EIF2AK2: variants seen among roughly 807,000 people sequenced by gnomAD.
The protein encoded by EIF2AK2 is interferon-induced, double-stranded RNA-activated protein kinase.
A neutral mutation model predicts 70.5 loss-of-function variants in EIF2AK2; 40 were observed. The observed-to-expected ratio is 0.57, with a 90% CI of 0.44 to 0.74. EIF2AK2 has a LOEUF of 0.74. EIF2AK2 is among the 30% of genes least tolerant of loss of function. EIF2AK2 has a pLI of 0.00. For missense variants in EIF2AK2, 555 were observed against 644.3 expected, an observed-to-expected ratio of 0.86 and a Z score of 1.50; for synonymous variants, 198 against 220.9, an observed-to-expected ratio of 0.90 and a Z score of 0.92.
intron 10 of EIF2AK2, among the ~76,000 whole-genome samples, chr2:37,129,397 C>A (rs1446189574): frequency 6.6e-6 from 1 of 152,060 alleles, no homozygotes. Context: ...CGATGGAATG[C>A]CCTCAACAGG....
At chr2:37,154,721 C>T (rs1329081352) in intron 1 of EIF2AK2, among the ~76,000 whole-genome samples, 9 of 152,088 alleles carry the variant, frequency 5.9e-5, no homozygotes, top group South Asian at 4.2e-4. Flanking sequence ...CCACCACGCC[C>T]GGCTAATTTT....
intron 12 of EIF2AK2, among the ~76,000 whole-genome samples, chr2:37,121,961 G>A (rs1296783415): frequency 1.3e-5 from 2 of 152,112 alleles, no homozygotes; most frequent in Non-Finnish European, 2.9e-5. Context: ...GTTTGGCAAT[G>A]GCTTAACTGA....
chr2:37,155,529 T>C lies in EIF2AK2; in HGVS notation c.-184+1379A>G, dbSNP rs563282402. ...TCTTTGATGCTGGAGGGTCAGCTAG[T>C]ATGGGCTTGCCACTCCACCTTGCCC... On this transcript the variant is annotated intron_variant, in intron 1 of 16. Coordinates refer to ENST00000233057, the MANE Select transcript of EIF2AK2 (RefSeq NM_001135651.3). 5.3e-5 allele frequency among the ~76,000 whole-genome samples: 8 copies of C among 152,300 alleles called. No individual in the cohort carries two copies. The South Asian group carries it at 1.5e-3, about 28-fold the overall frequency.
At chr2:37,150,184 T>C (rs1393929148) in intron 1 of EIF2AK2, among the ~76,000 whole-genome samples, 1 of 148,378 alleles carries the variant, frequency 6.7e-6, no homozygotes, top group African/African-American at 2.5e-5. Flanking sequence ...GAGCATTTAA[T>C]GTGAATACAG....
Position 37,103,105 on chromosome 2 carries a change from G to C in EIF2AK2, c.*4168C>G, listed in dbSNP as rs2148658630. ...AGAGGATACTTTTTACTTTAATTTT[G>C]AGGCCAAGAAAATATATACTCACAA... On this transcript the variant is annotated 3_prime_UTR_variant, in exon 17 of 17. Transcript: ENST00000233057. 6.6e-6 allele frequency: 1 copy of C among 151,796 alleles called. No homozygotes were observed. 9.4% of individuals were successfully genotyped at this position (151,796 alleles called of 1,614,324 possible).
intron 13 of EIF2AK2, 72 bp from the exon 14 acceptor site, chr2:37,114,931 A>G: frequency 9.5e-7 from 1 of 1,048,388 alleles, no homozygotes; most frequent in South Asian, 2.5e-5. Flanking sequence ...AATTATATAC[A>G]GAAAAGACTA....
In EIF2AK2 at chr2:37,107,350, G is replaced by A; in HGVS notation, c.1579C>T (p.Pro527Ser). Reference protein sequence around the residue: ...KLLSKKPEDRPNTSEILRTLT... With the variant: ...KLLSKKPEDRSNTSEILRTLT... Reference sequence around the variant, plus strand: ...GTCCTTAGTATTTCAGATGTGTTAGGTCGATCCTCAGGTTTCTTTGAGAGT... The same window carrying A: ...GTCCTTAGTATTTCAGATGTGTTAGATCGATCCTCAGGTTTCTTTGAGAGT... Residue 527 changes from proline to serine, a missense_variant, in exon 17 of 17, where the codon CCT becomes TCT. Transcript: ENST00000233057. The A allele has an allele frequency of 6.2e-7, 1 of 1,613,914 alleles. No individual in the cohort carries two copies. The highest frequency in any genetic ancestry group is 8.5e-7 in the Non-Finnish European group (1 of 1,179,970).
Position 37,103,053 on chromosome 2 carries a change from G to C in EIF2AK2, c.*4220C>G, listed in dbSNP as rs1316416952. 6.6e-6 allele frequency: 1 copy of C among 151,560 alleles called. No individual in the cohort carries two copies. The highest frequency in any genetic ancestry group is 1.5e-5 in the Non-Finnish European group (1 of 67,914). 9.4% of individuals were successfully genotyped at this position (151,560 alleles called of 1,614,324 possible). ...TTTTAATTAGCAAATAAGGTCCCAG[G>C]CTCTTGCCCCTGTCCTCCTCTGAGT... On this transcript the variant is annotated 3_prime_UTR_variant, in exon 17 of 17. Coordinates refer to ENST00000233057, the MANE Select transcript of EIF2AK2 (RefSeq NM_001135651.3).
chr2:37,155,950 A>AAAAAAT (rs10638880), intron 1 of EIF2AK2, among the ~76,000 whole-genome samples: 5 of 139,028 alleles, frequency 3.6e-5, no homozygotes, highest in African/African-American at 1.3e-4. Context: ...AAAAAAAAAA[A>AAAAAAT]AAAAGAAAAG....
At chr2:37,128,564 C>T (rs1486213700) in intron 10 of EIF2AK2, among the ~76,000 whole-genome samples, 1 of 152,190 alleles carries the variant, frequency 6.6e-6, no homozygotes, top group Non-Finnish European at 1.5e-5. Flanking sequence ...GTCAATTAAA[C>T]TGTTCGGGTG....
chr2:37,141,859 C>T (rs1034302853), intron 4 of EIF2AK2, among the ~76,000 whole-genome samples, 158 bp from the exon 5 acceptor site: 2 of 152,132 alleles, frequency 1.3e-5, no homozygotes, highest in Admixed American at 6.6e-5. Context: ...AGTGTGACTA[C>T]GTATCTCCCT....
chr2:37,099,508 G>A lies in EIF2AK2; in HGVS notation c.*7765C>T, dbSNP rs1426108299. ...AAGAACAATTAGGTACTAAACAATGGGAGTACTAGGGAGAAGATTCATTTT... is the reference window on the plus strand; with the variant it reads ...AAGAACAATTAGGTACTAAACAATGAGAGTACTAGGGAGAAGATTCATTTT... On this transcript the variant is annotated 3_prime_UTR_variant, in exon 17 of 17. Transcript: ENST00000233057. 1 of 152,186 alleles carries A rather than the reference G, an allele frequency of 6.6e-6. No individual in the cohort carries two copies. The allele number at this position is 152,186 out of a possible 1,614,324, so 9.4% of individuals were successfully genotyped here. A position where few individuals can be genotyped will look rare whatever the true frequency, so the allele number is the denominator to read the frequency against.
chr2:37,109,716 A>G (rs1674080936), intron 14 of EIF2AK2, among the ~76,000 whole-genome samples: 1 of 152,250 alleles, frequency 6.6e-6, no homozygotes, highest in South Asian at 2.1e-4. Context: ...TGGCATATTC[A>G]TACAATGGAC....
chr2:37,108,895 C>T (rs1356203631), intron 15 of EIF2AK2, among the ~76,000 whole-genome samples: 11 of 152,114 alleles, frequency 7.2e-5, no homozygotes, highest in African/African-American at 1.7e-4. Context: ...GCAACCCTTA[C>T]AGCACTTAGC....
intron 1 of EIF2AK2, among the ~76,000 whole-genome samples, chr2:37,155,816 CTG>C (rs1264322292): frequency 6.6e-6 from 1 of 151,906 alleles, no homozygotes; most frequent in Non-Finnish European, 1.5e-5. Context: ...TGGCGGGCAC[CTG>C]TAGTCCCAGC....
chr2:37,123,160 T>A (rs1039732787), intron 11 of EIF2AK2, among the ~76,000 whole-genome samples: 2 of 151,820 alleles, frequency 1.3e-5, no homozygotes, highest in African/African-American at 4.8e-5. Flanking sequence ...AGAGCAAGAC[T>A]CTGTCTCAAA....
At chr2:37,128,669 GACAGA>G (rs1674833406) in intron 10 of EIF2AK2, among the ~76,000 whole-genome samples, 1 of 152,128 alleles carries the variant, frequency 6.6e-6, no homozygotes, top group African/African-American at 2.4e-5. Context: ...TTCCATCTTT[GACAGA>G]ACAGGAGCAT....
At position 37,129,535 on chromosome 2, in the gene EIF2AK2, T is replaced by C. The variant is rs1411241159; in HGVS notation, c.786-3124A>G. On this transcript the variant is annotated intron_variant, in intron 10 of 16. Transcript: ENST00000233057. ...CGGCATCCTTCGCCCCCACATCTAG[T>C]GAGTCCACAAAACCCAGGTTAATTG... 3.9e-5 allele frequency among the ~76,000 whole-genome samples: 6 copies of C among 152,144 alleles called. No homozygotes were observed. The East Asian group carries it at 1.2e-3, about 29-fold the overall frequency.
rs912960223 is a variant in EIF2AK2, at chr2:37,100,259, G to A, written c.*7014C>T. Reference sequence around the variant, plus strand: ...GCTTACTCGGGAAACACTGAATATGGGATGCATCATGGAAGCCTCCAGAGG... The same window carrying A: ...GCTTACTCGGGAAACACTGAATATGAGATGCATCATGGAAGCCTCCAGAGG... On this transcript the variant is annotated 3_prime_UTR_variant, in exon 17 of 17. Transcript: ENST00000233057. The A allele has an allele frequency of 1.3e-5, 2 of 152,224 alleles. No individual in the cohort carries two copies. The highest frequency in any genetic ancestry group is 2.9e-5 in the Non-Finnish European group (2 of 68,050). 9.4% of individuals were successfully genotyped at this position (152,224 alleles called of 1,614,324 possible).
Sources: gnomAD v4.1 joint callset for allele counts (sites outside exome capture counted in the v4.1 genomes callset) on GRCh38, gnomAD v4.1.1 for gene constraint, MANE v1.5 for transcripts, NCBI Gene and HGNC (gene_info 2026-07-23, HGNC 2026-07-21) for gene names.